ZBTB11: variants seen among roughly 807,000 people sequenced by gnomAD.
The protein encoded by ZBTB11 is zinc finger and BTB domain-containing protein 11.
Under a neutral mutation model 113.1 loss-of-function variants are expected in ZBTB11, and 68 were observed. The observed-to-expected ratio is 0.60, with a 90% CI of 0.49 to 0.74. ZBTB11 has a LOEUF of 0.74. Among genes scored for constraint, ZBTB11 ranks in the 30% least tolerant of loss-of-function variants. ZBTB11 has a pLI of 0.00. For synonymous variants in ZBTB11, 518 were observed against 452.6 expected (o/e 1.14, Z -1.83); for missense variants, 1,104 against 1,279.4 (o/e 0.86, Z 2.09).
At position 101,665,163 on chromosome 3, in the gene ZBTB11, T is replaced by C. The variant is rs1169456379; in HGVS notation, c.1424A>G (p.Gln475Arg). Residue 475 changes from glutamine (Q) to arginine (R), a missense_variant, in exon 4 of 11, where the codon CAG (glutamine) becomes CGG (arginine). Around this residue, in one of 5 missense-constraint regions of ZBTB11, gnomAD observed 535 missense variants for 518.6 expected, o/e 1.03. Coordinates refer to ENST00000312938, the MANE Select transcript of ZBTB11 (RefSeq NM_014415.4). ...ICAEDIPKHR[Q>R]KVDQPLKDQE... ...ATCTTTTAAAGGTTGGTCAACTTTCTGCCTATGTTTTGGAATGTCTTCGGC... is the reference window on the plus strand; with the variant it reads ...ATCTTTTAAAGGTTGGTCAACTTTCCGCCTATGTTTTGGAATGTCTTCGGC... 3.7e-6 allele frequency: 6 copies of C among 1,614,094 alleles called. No homozygotes were observed. The highest frequency in any genetic ancestry group is 5.1e-6 in the Non-Finnish European group (6 of 1,180,040).
intron 8 of ZBTB11, 65 bp downstream of exon 8, chr3:101,654,638 AT>A (rs1936763786): frequency 7.3e-6 from 10 of 1,365,566 alleles, no homozygotes; most frequent in Admixed American, 2.0e-5. Flanking sequence ...ATCTTCAAAT[AT>A]TTTTTTGAAA....
chr3:101,665,142 T>G lies in ZBTB11; in HGVS notation c.1445A>C (p.Lys482Thr), dbSNP rs1308508192. 1 of 1,614,090 alleles carries G rather than the reference T, an allele frequency of 6.2e-7. No homozygotes were observed. Among genetic ancestry groups the G allele is most frequent in the East Asian group, 2.2e-5 (1 of 44,900 alleles). ...TGATGCAACTAGATTTTCCTGATCT[T>G]TTAAAGGTTGGTCAACTTTCTGCCT... ...KHRQKVDQPL[K>T]DQENLVASTA... The change falls in exon 4 of 11, where the codon AAA becomes ACA. Residue 482 changes from lysine to threonine, a missense_variant. Coordinates refer to ENST00000312938, the MANE Select transcript of ZBTB11 (RefSeq NM_014415.4).
In ZBTB11 at chr3:101,665,220, A is replaced by G. The variant is rs779829750; in HGVS notation, c.1367T>C (p.Met456Thr). 43 of 1,614,054 alleles carry G rather than the reference A, an allele frequency of 2.7e-5. No homozygotes were observed. The South Asian group carries it at 4.6e-4, about 17-fold the overall frequency. The change falls in exon 4 of 11, where the codon ATG becomes ACG. Residue 456 changes from methionine to threonine, a missense_variant. Coordinates refer to ENST00000312938, the MANE Select transcript of ZBTB11 (RefSeq NM_014415.4). ...ATCCTCAGCTGATATATCATTTCCC[A>G]TACCACTATCCTCTGGCGAGCTACT... is the stretch of plus-strand genomic sequence containing the variant. The part of the protein sequence containing the change: ...VISSSPEDSG[M>T]GNDISAEDIC...
At chr3:101,670,014 G>C (rs559006433) in intron 3 of ZBTB11, among the ~76,000 whole-genome samples, 3 of 152,220 alleles carry the variant, frequency 2.0e-5, no homozygotes, top group African/African-American at 7.2e-5. Flanking sequence ...TTTTAGTAGA[G>C]ACAGGGTTTC....
At chr3:101,675,496 T>C (rs1224901222) in intron 1 of ZBTB11, among the ~76,000 whole-genome samples, 2 of 152,248 alleles carry the variant, frequency 1.3e-5, no homozygotes, top group Non-Finnish European at 1.5e-5. Context: ...AACTTTTCTG[T>C]AGCCATATTG....
intron 3 of ZBTB11, among the ~76,000 whole-genome samples, chr3:101,666,155 C>G (rs1363634641): frequency 6.6e-6 from 1 of 152,122 alleles, no homozygotes; most frequent in Non-Finnish European, 1.5e-5. Flanking sequence ...AAGAGGAAGA[C>G]AGGTGAGTGG....
At chr3:101,674,703 T>C (rs1937134753) in intron 1 of ZBTB11, among the ~76,000 whole-genome samples, 1 of 139,928 alleles carries the variant, frequency 7.1e-6, no homozygotes, top group Non-Finnish European at 1.6e-5. Context: ...TCTCAATAAA[T>C]AAATAAATAA....
chr3:101,672,942 T>C (rs1054792033), intron 1 of ZBTB11, among the ~76,000 whole-genome samples: 2 of 152,190 alleles, frequency 1.3e-5, no homozygotes, highest in African/African-American at 4.8e-5. Flanking sequence ...TAAACCTGAA[T>C]TTCAGATGAA....
intron 8 of ZBTB11, among the ~76,000 whole-genome samples, chr3:101,654,043 C>CT (rs112555052): frequency 2.3e-3 from 329 of 144,684 alleles, no homozygotes; most frequent in Middle Eastern, 3.5e-3. Context: ...CCTAAAATGA[C>CT]TTTTTTTTTT....
chr3:101,656,288 A>C, intron 6 of ZBTB11, 40 bp from the exon 7 acceptor site: 1 of 1,310,460 alleles, frequency 7.6e-7, no homozygotes, highest in Non-Finnish European at 9.9e-7. Flanking sequence ...TAAAACAAAA[A>C]GGGAGATTGT....
chr3:101,656,884 A>G (rs1170198570), intron 6 of ZBTB11, among the ~76,000 whole-genome samples: 1 of 152,096 alleles, frequency 6.6e-6, no homozygotes, highest in Admixed American at 6.6e-5. Flanking sequence ...TGGTAATCCC[A>G]GCACTTTGGG....
intron 3 of ZBTB11, among the ~76,000 whole-genome samples, chr3:101,667,181 G>A (rs1196308746): frequency 6.6e-6 from 1 of 152,170 alleles, no homozygotes; most frequent in Admixed American, 6.5e-5. Context: ...AGCCACCTAA[G>A]TAGCAGGGCA....
Position 101,651,368 on chromosome 3 carries a change from A to T in ZBTB11, c.2960T>A (p.Val987Glu). 6.2e-7 allele frequency: 1 copy of T among 1,613,988 alleles called. No individual in the cohort carries two copies. Among genetic ancestry groups the T allele is most frequent in the Non-Finnish European group, 8.5e-7 (1 of 1,179,908 alleles). Reference protein sequence around the residue: ...SSGPQELETVVVTGETMEALE... With the variant: ...SSGPQELETVEVTGETMEALE... ...AGCTTCCATAGTTTCTCCTGTCACTACCACAGTCTCAAGTTCTTGAGGACC... is the reference window on the plus strand; with the variant it reads ...AGCTTCCATAGTTTCTCCTGTCACTTCCACAGTCTCAAGTTCTTGAGGACC... The change falls in exon 11 of 11, where the codon GTA becomes GAA. Residue 987 changes from valine (V) to glutamate (E), a missense_variant. Coordinates refer to ENST00000312938, the MANE Select transcript of ZBTB11 (RefSeq NM_014415.4).
chr3:101,653,218 C>G (rs904862367), intron 8 of ZBTB11, among the ~76,000 whole-genome samples: 15 of 152,152 alleles, frequency 9.9e-5, no homozygotes, highest in African/African-American at 3.6e-4. Context: ...TTTGAGATCC[C>G]TATTTCAACC....
At chr3:101,659,461 G>A (rs1423580562) in intron 6 of ZBTB11, among the ~76,000 whole-genome samples, 1 of 152,116 alleles carries the variant, frequency 6.6e-6, no homozygotes, top group African/African-American at 2.4e-5. Context: ...TTAAGCCATG[G>A]GTTCCTTTCT....
intron 5 of ZBTB11, 42 bp from the exon 6 acceptor site, chr3:101,660,070 C>G: frequency 6.3e-7 from 1 of 1,583,772 alleles, no homozygotes; most frequent in Non-Finnish European, 8.6e-7. Flanking sequence ...ATTTCCATTA[C>G]AAAATGTTAA....
intron 6 of ZBTB11, among the ~76,000 whole-genome samples, chr3:101,659,143 G>A (rs1177582885): frequency 6.6e-6 from 1 of 152,176 alleles, no homozygotes; most frequent in Non-Finnish European, 1.5e-5. Flanking sequence ...GGAGGCTAAG[G>A]TGGGAGGATG....
At position 101,650,475 on chromosome 3, in the gene ZBTB11, TGCATTTTAATG is replaced by T. The variant is rs1188554988; in HGVS notation, c.*680_*690del. ...TAGTAAGGTTTTAATAAGCATTTCA[TGCATTTTAATG>T]GCATTTTAAAAATTAGCTATTCATT... On this transcript the variant is annotated 3_prime_UTR_variant, in exon 11 of 11. Coordinates refer to ENST00000312938, the MANE Select transcript of ZBTB11 (RefSeq NM_014415.4). 6.6e-6 allele frequency: 1 copy of T among 152,660 alleles called. No individual in the cohort carries two copies. Among genetic ancestry groups the T allele is most frequent in the Non-Finnish European group, 1.5e-5 (1 of 68,030 alleles). The allele number at this position is 152,660 out of a possible 1,614,324, so 9.5% of individuals were successfully genotyped here. A position where few individuals can be genotyped will look rare whatever the true frequency, so the allele number is the denominator to read the frequency against.
Position 101,676,976 on chromosome 3 carries a change from T to A in ZBTB11, c.-62A>T. On this transcript the variant is annotated 5_prime_UTR_variant, in exon 1 of 11. Transcript: ENST00000312938. ...CAGGTGAGGAAAACGGCCCGCTACC[T>A]ACGGGCGGCTGCAGGAGGAGCGGCG... is the stretch of plus-strand genomic sequence containing the variant. 1 of 1,478,630 alleles carries A rather than the reference T, an allele frequency of 6.8e-7. No individual in the cohort carries two copies. The highest frequency in any genetic ancestry group is 1.4e-5 in the South Asian group (1 of 72,966). 91.6% of individuals were successfully genotyped at this position (1,478,630 alleles called of 1,614,324 possible). A position where few individuals can be genotyped will look rare whatever the true frequency, so the allele number is the denominator to read the frequency against.
Sources: allele counts gnomAD v4.1 joint callset (sites outside exome capture counted in the v4.1 genomes callset), GRCh38; gene constraint gnomAD v4.1.1; regional missense constraint gnomAD v4.1.1; transcripts MANE v1.5; gene names NCBI Gene and HGNC (gene_info 2026-07-23, HGNC 2026-07-21).